PTPRM: variants seen among roughly 807,000 people sequenced by gnomAD.
PTPRM encodes receptor-type tyrosine-protein phosphatase mu.
In PTPRM, 47 loss-of-function variants were observed where a neutral mutation model predicts 186.7. That is an observed-to-expected ratio of 0.25 (90% CI 0.20 to 0.32). The LOEUF (loss-of-function observed/expected upper bound fraction) is 0.32. Ranked by LOEUF, PTPRM falls within the 10% of genes least tolerant of loss-of-function variation. PTPRM has a pLI of 1.00. For missense variants in PTPRM, 1,494 were observed against 1,865.0 expected (o/e 0.80, Z 3.66); for synonymous variants, 668 against 674.9 (o/e 0.99, Z 0.16).
intron 23 of PTPRM, among the ~76,000 whole-genome samples, chr18:8,367,328 G>C (rs2095636633): frequency 6.6e-6 from 1 of 152,240 alleles, no homozygotes; most frequent in Admixed American, 6.5e-5. Context: ...CCAGGTGCCT[G>C]TGCTCGGGAG....
chr18:8,178,508 G>A (rs1328654503), intron 14 of PTPRM, among the ~76,000 whole-genome samples: 1 of 152,126 alleles, frequency 6.6e-6, no homozygotes, highest in East Asian at 1.9e-4. Context: ...GATGGGCTGG[G>A]CACGGTGGCT....
chr18:7,994,849 T>C lies in PTPRM; in HGVS notation c.1132+39435T>C, dbSNP rs2083451501. On this transcript the variant is annotated intron_variant, in intron 7 of 32. Coordinates refer to ENST00000580170, the MANE Select transcript of PTPRM (RefSeq NM_001105244.2). ...GTTCTAAGAGGGAAGTTTATAGTAA[T>C]AAATACCTACATCAAAAAGTAGAAA... Among the ~76,000 whole-genome samples the C allele has an allele frequency of 2.0e-5, 3 of 151,962 alleles. No individual in the cohort carries two copies. In the South Asian group the frequency reaches 6.2e-4, roughly 32 times the overall value.
In PTPRM at chr18:8,007,689, T is replaced by C. The variant is rs569262998; in HGVS notation, c.1132+52275T>C. Among the ~76,000 whole-genome samples, 9 of 152,326 alleles carry C rather than the reference T, an allele frequency of 5.9e-5. No homozygotes were observed. The East Asian group carries it at 1.4e-3, about 23-fold the overall frequency. Reference sequence around the variant, plus strand: ...ACACCGTGGTTGAGACCCACTGTTGTAAAGCATGGAGATAGCTAACAGGAT... The same window carrying C: ...ACACCGTGGTTGAGACCCACTGTTGCAAAGCATGGAGATAGCTAACAGGAT... On this transcript the variant is annotated intron_variant, in intron 7 of 32. Coordinates refer to ENST00000580170, the MANE Select transcript of PTPRM (RefSeq NM_001105244.2).
rs2049251113 is a variant in PTPRM, at chr18:7,894,553, T to A, written c.468+6176T>A. Among the ~76,000 whole-genome samples the A allele has an allele frequency of 3.3e-5, 5 of 151,992 alleles. No homozygotes were observed. The South Asian group carries it at 1.0e-3, about 32-fold the overall frequency. On this transcript the variant is annotated intron_variant, in intron 3 of 32. Transcript: ENST00000580170. ...GTGAGCCGAGATTGCGCCACTGCACTCCAGCCTAGGGGGCAGAGCAAGACT... is the reference window on the plus strand; with the variant it reads ...GTGAGCCGAGATTGCGCCACTGCACACCAGCCTAGGGGGCAGAGCAAGACT...
intron 26 of PTPRM, chr18:8,377,962 G>A (rs1800672591): frequency 4.2e-6 from 1 of 239,338 alleles, no homozygotes; most frequent in Admixed American, 5.5e-5. Flanking sequence ...ACAAAATTCT[G>A]CTCATTCCTC....
intron 1 of PTPRM, among the ~76,000 whole-genome samples, chr18:7,573,018 T>C (rs2143364781): frequency 6.6e-6 from 1 of 152,102 alleles, no homozygotes; most frequent in South Asian, 2.1e-4. Flanking sequence ...CTGCCTTGGG[T>C]GGAGAGGAGG....
At chr18:8,161,246 A>G (rs1161311839) in intron 14 of PTPRM, among the ~76,000 whole-genome samples, 2 of 152,140 alleles carry the variant, frequency 1.3e-5, no homozygotes, top group East Asian at 3.8e-4. Flanking sequence ...TTTGCTGAGA[A>G]TTACCTTATT....
At chr18:7,743,710 T>A in intron 1 of PTPRM, among the ~76,000 whole-genome samples, 1 of 152,142 alleles carries the variant, frequency 6.6e-6, no homozygotes, top group Non-Finnish European at 1.5e-5. Flanking sequence ...AGAAAAGGAG[T>A]TTATACGTAG....
intron 1 of PTPRM, among the ~76,000 whole-genome samples, chr18:7,613,855 A>T (rs573258098): frequency 6.6e-6 from 1 of 152,314 alleles, no homozygotes; most frequent in Admixed American, 6.5e-5. Context: ...TTTTATTTGT[A>T]TCAGGTAGAT....
intron 14 of PTPRM, among the ~76,000 whole-genome samples, chr18:8,177,166 A>T (rs2093497058): frequency 6.6e-6 from 1 of 152,240 alleles, no homozygotes; most frequent in Non-Finnish European, 1.5e-5. Flanking sequence ...TTATAAAAGT[A>T]TGAGAAGCAT....
chr18:7,698,177 TGG>T (rs1478508296), intron 1 of PTPRM, among the ~76,000 whole-genome samples: 1 of 152,228 alleles, frequency 6.6e-6, no homozygotes, highest in Non-Finnish European at 1.5e-5. Flanking sequence ...ACCCCACATG[TGG>T]TCTGTTGTTC....
At chr18:8,164,695 G>A (rs1052621915) in intron 14 of PTPRM, among the ~76,000 whole-genome samples, 10 of 152,164 alleles carry the variant, frequency 6.6e-5, no homozygotes, top group African/African-American at 2.4e-4. Flanking sequence ...GGGGCTTGGG[G>A]AAGAAGGCAA....
In PTPRM at chr18:8,157,318, A is replaced by C. The variant is rs148615830; in HGVS notation, c.2300+13539A>C. 1.6e-3 allele frequency among the ~76,000 whole-genome samples: 251 copies of C among 152,354 alleles called. 1 individual carries two copies. The highest frequency in any genetic ancestry group is 5.8e-3 in the African/African-American group (243 of 41,574). On this transcript the variant is annotated intron_variant, in intron 14 of 32. Coordinates refer to ENST00000580170, the MANE Select transcript of PTPRM (RefSeq NM_001105244.2). ...TAATATGCATTATACACCAGTATAC[A>C]AGCTGTAGCTGCCTCTCTGGTTTCA... is the stretch of plus-strand genomic sequence containing the variant.
chr18:7,589,275 G>C (rs892680023), intron 1 of PTPRM, among the ~76,000 whole-genome samples: 2 of 152,194 alleles, frequency 1.3e-5, no homozygotes, highest in Admixed American at 1.3e-4. Context: ...GGCTGCATGG[G>C]AGTGTTTACA....
intron 5 of PTPRM, among the ~76,000 whole-genome samples, chr18:7,941,555 C>G (rs576039943): frequency 2.6e-5 from 4 of 152,266 alleles, no homozygotes; most frequent in African/African-American, 9.6e-5. Context: ...TTTTCCATCC[C>G]TTTTTGTTAA....
chr18:8,180,943 C>T (rs937467418), intron 14 of PTPRM, among the ~76,000 whole-genome samples: 6 of 152,128 alleles, frequency 3.9e-5, no homozygotes, highest in African/African-American at 4.8e-5. Flanking sequence ...AGTTTGATGG[C>T]GGGTGGGGGG....
At chr18:7,713,518 C>G (rs930590638) in intron 1 of PTPRM, among the ~76,000 whole-genome samples, 2 of 152,004 alleles carry the variant, frequency 1.3e-5, no homozygotes, top group Non-Finnish European at 2.9e-5. Flanking sequence ...TCACACATAA[C>G]AATATTAACC....
intron 2 of PTPRM, among the ~76,000 whole-genome samples, chr18:7,878,736 C>CT (rs1462678829): frequency 1.3e-5 from 2 of 151,702 alleles, no homozygotes; most frequent in Admixed American, 6.6e-5. Flanking sequence ...GTAGCATAGG[C>CT]TTTTTTTTCA....
intron 2 of PTPRM, among the ~76,000 whole-genome samples, chr18:7,858,031 C>T (rs1296832751): frequency 2.0e-5 from 3 of 152,128 alleles, no homozygotes; most frequent in Non-Finnish European, 4.4e-5. Flanking sequence ...AAGGCTCTTG[C>T]TTGGCCCTAA....
Sources: gnomAD v4.1 joint callset for allele counts (sites outside exome capture counted in the v4.1 genomes callset) on GRCh38, gnomAD v4.1.1 for gene constraint, MANE v1.5 for transcripts, NCBI Gene and HGNC (gene_info 2026-07-23, HGNC 2026-07-21) for gene names.